Variants in SP140 observed in about 807,000 individuals in gnomAD.
SP140 encodes the protein SP140 nuclear body protein, also known as nuclear body protein SP140.
Under a neutral mutation model 125.0 loss-of-function variants are expected in SP140, and 81 were observed. The observed-to-expected ratio is 0.65, with a 90% CI of 0.54 to 0.78. SP140 has a LOEUF of 0.78. Among genes scored for constraint, SP140 ranks in the 30% least tolerant of loss-of-function variants. The pLI, the probability that SP140 is intolerant of heterozygous loss-of-function variation, is 0.00. For missense variants in SP140, 858 were observed against 1,037.0 expected (o/e 0.83, Z 2.37); for synonymous variants, 312 against 354.0 (o/e 0.88, Z 1.33).
At position 230,206,273 on chromosome 2, in the gene SP140, C is replaced by T. The variant is rs577632136; in HGVS notation, c.-323+2994C>T. On this transcript the variant is annotated intron_variant, in intron 1 of 4. Coordinates refer to the SP140 transcript ENST00000456542. The stretch of plus-strand genomic sequence containing the variant: ...ACACAACTGGCTCCTGCCTCCATCA[C>T]CAAAATTTTTCTTAAATTTTCCAGT... Among the ~76,000 whole-genome samples the T allele has an allele frequency of 1.4e-4, 21 of 152,150 alleles. No homozygotes were observed. In the South Asian group the frequency reaches 4.1e-3, roughly 30 times the overall value.
intron 12 of SP140, among the ~76,000 whole-genome samples, chr2:230,258,555 A>G (rs760197635): frequency 6.6e-6 from 1 of 152,178 alleles, no homozygotes; most frequent in African/African-American, 2.4e-5. Flanking sequence ...ACTCTAATAT[A>G]TTGACTTTGG....
At chr2:230,271,841 C>T (rs752841631) in intron 15 of SP140, among the ~76,000 whole-genome samples, 5 of 152,120 alleles carry the variant, frequency 3.3e-5, no homozygotes, top group Non-Finnish European at 7.4e-5. Context: ...GACTTTTTGC[C>T]AGTTCCCTGG....
intron 11 of SP140, among the ~76,000 whole-genome samples, chr2:230,253,674 T>TG (rs1559264566): frequency 6.6e-6 from 1 of 152,124 alleles, no homozygotes; most frequent in Non-Finnish European, 1.5e-5. Flanking sequence ...AGAGGTAGGC[T>TG]GGGGGCACCA....
intron 22 of SP140, among the ~76,000 whole-genome samples, chr2:230,300,222 G>A (rs139379980): frequency 6.6e-6 from 1 of 152,264 alleles, no homozygotes; most frequent in African/African-American, 2.4e-5. Flanking sequence ...ACACTCATAC[G>A]AGAACCACCT....
At chr2:230,297,997 A>AG (rs2149525241) in intron 22 of SP140, among the ~76,000 whole-genome samples, 1 of 152,340 alleles carries the variant, frequency 6.6e-6, no homozygotes, top group South Asian at 2.1e-4. Flanking sequence ...ATACAAGGCA[A>AG]GGGGTCCTTT....
chr2:230,223,337 G>C (rs2148990298), upstream of SP140, among the ~76,000 whole-genome samples: 2 of 152,252 alleles, frequency 1.3e-5, no homozygotes, highest in East Asian at 3.9e-4. Context: ...GCCCAGCCCA[G>C]TCTGACATTC....
At chr2:230,300,924 A>T (rs1428217454) in intron 22 of SP140, among the ~76,000 whole-genome samples, 1 of 152,202 alleles carries the variant, frequency 6.6e-6, no homozygotes, top group African/African-American at 2.4e-5. Context: ...TGGATGAAAA[A>T]GTCTCCAGAG....
At chr2:230,194,608 T>TGTC in the SP140 span, among the ~76,000 whole-genome samples, 1 of 152,036 alleles carries the variant, frequency 6.6e-6, no homozygotes, top group Non-Finnish European at 1.5e-5. Flanking sequence ...TGCACTGGAG[T>TGTC]AGACACATGC....
chr2:230,230,206 A>G (rs2047051271), intron 1 of SP140, among the ~76,000 whole-genome samples: 1 of 152,158 alleles, frequency 6.6e-6, no homozygotes, highest in African/African-American at 2.4e-5. Flanking sequence ...GGGCTGGGGA[A>G]CAGGGAAGTG....
chr2:230,223,627 C>T (rs943405894), upstream of SP140, among the ~76,000 whole-genome samples: 1 of 152,206 alleles, frequency 6.6e-6, no homozygotes, highest in African/African-American at 2.4e-5. Context: ...TATGATCAAT[C>T]TGGGATTGGT....
upstream of SP140, chr2:230,202,849 C>A (rs1334180508): frequency 2.2e-6 from 2 of 910,242 alleles, no homozygotes; most frequent in African/African-American, 1.6e-5. Flanking sequence ...TCTCTGTACC[C>A]CTGTACCTCA....
At chr2:230,290,654 A>G in intron 19 of SP140, 90 bp downstream of exon 19, 1 of 1,141,828 alleles carries the variant, frequency 8.8e-7, no homozygotes, top group Non-Finnish European at 1.3e-6. Context: ...ACATCATTCA[A>G]GGAGTTTGGT....
intron 1 of SP140, among the ~76,000 whole-genome samples, chr2:230,213,342 A>G (rs1350830617): frequency 2.6e-5 from 4 of 152,216 alleles, no homozygotes. Flanking sequence ...GTGTCATATA[A>G]TTTAGTCAAT....
chr2:230,281,881 C>A lies in SP140; in HGVS notation c.1499-2465C>A, dbSNP rs2055618204. ...CTGAGTACATTCTTGTAGGAGTCTT[C>A]CTGTTTTTTCGTATCTCCTGCATAA... On this transcript the variant is annotated intron_variant, in intron 15 of 26. Transcript: ENST00000392045. Among the ~76,000 whole-genome samples, 3 of 152,200 alleles carry A rather than the reference C, an allele frequency of 2.0e-5. No individual in the cohort carries two copies. In the South Asian group the frequency reaches 6.2e-4, roughly 32 times the overall value.
chr2:230,300,446 T>C (rs1216610152), intron 22 of SP140, among the ~76,000 whole-genome samples: 1 of 152,148 alleles, frequency 6.6e-6, no homozygotes, highest in East Asian at 1.9e-4. Flanking sequence ...TACCCATGAC[T>C]GGGAGAACTG....
chr2:230,286,512 C>T (rs1222860492), intron 17 of SP140, among the ~76,000 whole-genome samples: 2 of 152,166 alleles, frequency 1.3e-5, no homozygotes, highest in Non-Finnish European at 2.9e-5. Flanking sequence ...CAGGTGCAGC[C>T]GTGAAATGAC....
chr2:230,246,328 A>G (rs1009302894), intron 7 of SP140, among the ~76,000 whole-genome samples: 2 of 152,214 alleles, frequency 1.3e-5, no homozygotes, highest in African/African-American at 4.8e-5. Flanking sequence ...GAGAGATCTG[A>G]GTGATTGCCA....
Position 230,231,999 on chromosome 2 carries a change from G to A in SP140, c.60-5084G>A, listed in dbSNP as rs188772523. The stretch of plus-strand genomic sequence containing the variant: ...GCTGGGATTACAGGTGTGAGCCACC[G>A]TGCCCAGCCTCACCTCCACCCTTTT... On this transcript the variant is annotated intron_variant, in intron 1 of 26. Coordinates refer to ENST00000392045, the MANE Select transcript of SP140 (RefSeq NM_007237.5). Among the ~76,000 whole-genome samples, 46 of 152,066 alleles carry A rather than the reference G, an allele frequency of 3.0e-4. 2 individuals are homozygous for A. The Middle Eastern group carries it at 0.01, about 34-fold the overall frequency.
Position 230,211,925 on chromosome 2 carries a change from A to T in SP140, c.-322-1729A>T, listed in dbSNP as rs933831038. Among the ~76,000 whole-genome samples, 2 of 152,230 alleles carry T rather than the reference A, an allele frequency of 1.3e-5. No individual in the cohort carries two copies. The highest frequency in any genetic ancestry group is 4.8e-5 in the African/African-American group (2 of 41,450). ...ACGTTTAATGTAATCAAACTCCATT[A>T]TGATGATGGTTTGGGGAGGACAAGT... On this transcript the variant is annotated intron_variant, in intron 1 of 4. Coordinates refer to the SP140 transcript ENST00000456542. The surrounding 1 kb of genome is among the most constrained non-coding windows in gnomAD (Gnocchi z 4.2).
Sources: allele counts gnomAD v4.1 joint callset (sites outside exome capture counted in the v4.1 genomes callset), GRCh38; gene constraint gnomAD v4.1.1; non-coding constraint Gnocchi (gnomAD v3.1); transcripts MANE v1.5; gene names NCBI Gene and HGNC (gene_info 2026-07-23, HGNC 2026-07-21).